The following DGKI variants were observed in gnomAD, a reference collection of about 807,000 sequenced individuals.
The protein encoded by DGKI is diacylglycerol kinase iota, also known as DAG kinase iota.
DGKI carries 55 observed loss-of-function variants against 147.5 expected under a neutral mutation model. The observed-to-expected ratio is 0.37, with a 90% CI of 0.30 to 0.47. The LOEUF (loss-of-function observed/expected upper bound fraction) is 0.47. DGKI is among the 20% of genes least tolerant of loss of function. The pLI, the probability that DGKI is intolerant of heterozygous loss-of-function variation, is 1.00. For missense variants in DGKI, 1,007 were observed against 1,323.8 expected (o/e 0.76, Z 3.71); for synonymous variants, 469 against 477.1 (o/e 0.98, Z 0.22).
chr7:137,793,055 A>T lies in DGKI; in HGVS notation c.401+53407T>A, dbSNP rs1486876434. Among the ~76,000 whole-genome samples the T allele has an allele frequency of 2.6e-5, 4 of 152,346 alleles. No individual in the cohort carries two copies. In the East Asian group the frequency reaches 7.7e-4, roughly 29 times the overall value. On this transcript the variant is annotated intron_variant, in intron 1 of 32. Coordinates refer to ENST00000614521, the MANE Select transcript of DGKI (RefSeq NM_001321708.2). ...GTAAAGAATAGTTGCTATTATTGCT[A>T]TTGCATCAGATAGTTTATCTCTTTC...
intron 21 of DGKI, among the ~76,000 whole-genome samples, chr7:137,507,619 ATAAGTCATTCACT>A (rs1489873976): frequency 6.6e-6 from 1 of 152,228 alleles, no homozygotes; most frequent in Non-Finnish European, 1.5e-5. Context: ...TTTCACGTCT[ATAAGTCATTCACT>A]TAATCATTTT....
At chr7:137,413,662 A>T (rs1435759101) in intron 28 of DGKI, among the ~76,000 whole-genome samples, 1 of 152,128 alleles carries the variant, frequency 6.6e-6, no homozygotes, top group Non-Finnish European at 1.5e-5. Context: ...TATATACCAC[A>T]TTTTCTTTAT....
At chr7:137,502,442 G>C (rs1165910434) in intron 21 of DGKI, among the ~76,000 whole-genome samples, 1 of 151,792 alleles carries the variant, frequency 6.6e-6, no homozygotes. Flanking sequence ...GGATGAACAT[G>C]AAAATGATAA....
chr7:137,727,853 T>C (rs1464970866), intron 1 of DGKI, among the ~76,000 whole-genome samples: 1 of 152,174 alleles, frequency 6.6e-6, no homozygotes, highest in African/African-American at 2.4e-5. Flanking sequence ...TTTGCTATGA[T>C]TAAGCTCTTC....
chr7:137,532,250 T>C (rs547593049), intron 20 of DGKI, among the ~76,000 whole-genome samples: 5 of 152,266 alleles, frequency 3.3e-5, no homozygotes, highest in Admixed American at 3.3e-4. Flanking sequence ...GTAGTAGATC[T>C]GCATTTCTAG....
chr7:137,576,266 G>C (rs987581970), intron 17 of DGKI, among the ~76,000 whole-genome samples: 2 of 151,988 alleles, frequency 1.3e-5, no homozygotes, highest in African/African-American at 4.8e-5. Flanking sequence ...TCGAACTCCT[G>C]AGCTCAGGCA....
intron 10 of DGKI, among the ~76,000 whole-genome samples, chr7:137,605,380 A>AAAATAAAATAAAATAAAATAAAAT (rs1563108336): frequency 1.1e-4 from 14 of 128,686 alleles, no homozygotes; most frequent in African/African-American, 3.1e-4. Flanking sequence ...TAAAATAAAA[A>AAAATAAAATAAAATAAAATAAAAT]AAGTTGAAAT....
rs796902464 is a variant in DGKI at position 137,691,798 on chromosome 7, GT to G, written c.402-1797del. Among the ~76,000 whole-genome samples the G allele has an allele frequency of 5.3e-3, 505 of 95,820 alleles. 7 individuals carry two copies. Among genetic ancestry groups the G allele is most frequent in the South Asian group, 8.9e-3 (17 of 1,900 alleles). 62.9% of individuals were successfully genotyped at this position (95,820 alleles called of 152,430 possible). On this transcript the variant is annotated intron_variant, in intron 1 of 32. Coordinates refer to ENST00000614521, the MANE Select transcript of DGKI (RefSeq NM_001321708.2). ...GCTCAGCAAGTGTCTAGACCTTTGG[GT>G]TTTTTTTTTTTTTTTTTTTTTTAAG...
rs754878610 is a variant in DGKI at position 137,846,524 on chromosome 7, C to T, written c.339G>A (p.Glu113=). ...LDEPAAAGQK[E]KDEALEEKLR... ...GCTTCTCCTCCAGCGCTTCGTCCTT[C>T]TCCTTCTGGCCGGCGGCCGCGGGCT... The change falls in exon 1 of 33, where the codon GAG becomes GAA. Residue 113 remains glutamate, a synonymous_variant. Transcript: ENST00000614521. This position sits in a 1 kb window ranked among gnomAD's most constrained non-coding sequence, Gnocchi z 4.0. 2.7e-5 allele frequency: 43 copies of T among 1,572,148 alleles called. No homozygotes were observed. The East Asian group carries it at 9.3e-4, about 34-fold the overall frequency.
rs1259327842 is a variant in DGKI, at chr7:137,426,542, C to T, written c.2762-14335G>A. ...TCATAATGACAGGATCAACTTCACA[C>T]ATAACAACATTAACTTTAAATGTAA... On this transcript the variant is annotated intron_variant, in intron 28 of 32. Coordinates refer to ENST00000614521, the MANE Select transcript of DGKI (RefSeq NM_001321708.2). Among the ~76,000 whole-genome samples the T allele has an allele frequency of 3.9e-5, 6 of 152,190 alleles. No homozygotes were observed. In the East Asian group the frequency reaches 9.6e-4, roughly 24 times the overall value.
At chr7:137,682,947 G>T (rs1823290873) in intron 2 of DGKI, among the ~76,000 whole-genome samples, 2 of 152,144 alleles carry the variant, frequency 1.3e-5, no homozygotes, top group South Asian at 2.1e-4. Context: ...TATGACATAG[G>T]TGAGACACTC....
chr7:137,582,413 T>TC (rs1819231234), intron 14 of DGKI, among the ~76,000 whole-genome samples: 1 of 146,302 alleles, frequency 6.8e-6, no homozygotes, highest in African/African-American at 2.7e-5. Flanking sequence ...CATCACCCAT[T>TC]TTCTCTCTCT....
chr7:137,648,637 A>C, intron 5 of DGKI, among the ~76,000 whole-genome samples: 1 of 152,226 alleles, frequency 6.6e-6, no homozygotes. Context: ...AGGATGGCAC[A>C]AGATTTCGTC....
At chr7:137,685,256 T>A (rs986394424) in intron 2 of DGKI, among the ~76,000 whole-genome samples, 9 of 152,190 alleles carry the variant, frequency 5.9e-5, no homozygotes, top group African/African-American at 2.2e-4. Context: ...AGTTTGCCAA[T>A]GAGGAAGGAA....
At chr7:137,556,326 C>A (rs181101898) in intron 19 of DGKI, among the ~76,000 whole-genome samples, 2 of 150,312 alleles carry the variant, frequency 1.3e-5, no homozygotes, top group East Asian at 2.0e-4. Context: ...CCATCAGCAA[C>A]GAAAGTTTTC....
chr7:137,493,701 C>T, intron 21 of DGKI: 1 of 698,146 alleles, frequency 1.4e-6, no homozygotes, highest in South Asian at 1.5e-5. Context: ...ACTTCAAAGA[C>T]TGAAGGAAAA....
At chr7:137,590,237 G>A (rs1819560088) in intron 12 of DGKI, among the ~76,000 whole-genome samples, 1 of 152,138 alleles carries the variant, frequency 6.6e-6, no homozygotes, top group African/African-American at 2.4e-5. Flanking sequence ...TTCATAGCAG[G>A]GAGGAAGAGA....
chr7:137,575,319 C>T (rs1207965517), intron 17 of DGKI, among the ~76,000 whole-genome samples: 1 of 152,038 alleles, frequency 6.6e-6, no homozygotes, highest in African/African-American at 2.4e-5. Flanking sequence ...TATTTGCTGC[C>T]ATTTTGGCCT....
Position 137,767,853 on chromosome 7 carries a change from T to C in DGKI, c.402-77851A>G, listed in dbSNP as rs185587275. On this transcript the variant is annotated intron_variant, in intron 1 of 32. Coordinates refer to ENST00000614521, the MANE Select transcript of DGKI (RefSeq NM_001321708.2). ...TGCTATAAAGATTAGTTAATACATG[T>C]CTAAAGCTCTTCGACAGTGTCTTGC... Among the ~76,000 whole-genome samples, 569 of 152,288 alleles carry C rather than the reference T, an allele frequency of 3.7e-3. 7 individuals are homozygous for C. The highest frequency in any genetic ancestry group is 4.4e-3 in the Admixed American group (67 of 15,290).
Sources: gnomAD v4.1 joint callset for allele counts (sites outside exome capture counted in the v4.1 genomes callset) on GRCh38, gnomAD v4.1.1 for gene constraint, Gnocchi (gnomAD v3.1) non-coding constraint, MANE v1.5 for transcripts, NCBI Gene and HGNC (gene_info 2026-07-23, HGNC 2026-07-21) for gene names.